Variants in PTPRN2 observed in about 807,000 individuals in gnomAD.
The protein encoded by PTPRN2 is receptor-type tyrosine-protein phosphatase N2.
Under a neutral mutation model 118.8 loss-of-function variants are expected in PTPRN2, and 74 were observed. The observed-to-expected ratio is 0.62, with a 90% CI of 0.52 to 0.76. The LOEUF is 0.76. Among genes scored for constraint, PTPRN2 ranks in the 30% least tolerant of loss-of-function variants. PTPRN2 has a pLI of 0.00. For missense variants in PTPRN2, 1,481 were observed against 1,394.4 expected, an observed-to-expected ratio of 1.06 and a Z score of -0.99; for synonymous variants, 641 against 608.0, an observed-to-expected ratio of 1.05 and a Z score of -0.80.
intron 2 of PTPRN2, among the ~76,000 whole-genome samples, chr7:158,409,969 T>G (rs778526574): frequency 3.9e-5 from 6 of 152,192 alleles, no homozygotes; most frequent in African/African-American, 1.4e-4. Flanking sequence ...GAAGATGGGG[T>G]GTGCCCCCAC....
chr7:158,291,017 G>A (rs965897882), intron 3 of PTPRN2, among the ~76,000 whole-genome samples: 1 of 152,236 alleles, frequency 6.6e-6, no homozygotes, highest in Non-Finnish European at 1.5e-5. Flanking sequence ...TGACAGAGGA[G>A]GAGGAGGTCT....
chr7:157,873,956 C>T (rs1166983927), intron 12 of PTPRN2, among the ~76,000 whole-genome samples: 4 of 152,288 alleles, frequency 2.6e-5, no homozygotes, highest in Admixed American at 6.5e-5. Context: ...CTGACTTTGA[C>T]GGCTCTAGGT....
intron 13 of PTPRN2, among the ~76,000 whole-genome samples, chr7:157,677,653 C>T (rs1055577710): frequency 3.3e-5 from 5 of 152,106 alleles, no homozygotes; most frequent in African/African-American, 7.2e-5. Context: ...GAAACCAAGC[C>T]GGCTGACCCC....
chr7:158,390,088 G>C (rs972949328), intron 2 of PTPRN2, among the ~76,000 whole-genome samples: 3 of 152,206 alleles, frequency 2.0e-5, no homozygotes, highest in South Asian at 2.1e-4. Flanking sequence ...TATTCAAACC[G>C]ATCTTCTTTG....
Position 157,831,798 on chromosome 7 carries a change from C to T in PTPRN2, c.1788+66875G>A, listed in dbSNP as rs895297865. On this transcript the variant is annotated intron_variant, in intron 12 of 22. Coordinates refer to ENST00000389418, the MANE Select transcript of PTPRN2 (RefSeq NM_002847.5). This position sits in a 1 kb window ranked among gnomAD's most constrained non-coding sequence, Gnocchi z 4.8. ...CCCAGTCCTATGACAAGCCTGGCCA[C>T]GTTAGACCCTCACGAGACGTCCCAC... Among the ~76,000 whole-genome samples, 9 of 152,220 alleles carry T rather than the reference C, an allele frequency of 5.9e-5. 1 individual carries two copies. The highest frequency in any genetic ancestry group is 3.9e-4 in the Admixed American group (6 of 15,288).
intron 3 of PTPRN2, among the ~76,000 whole-genome samples, chr7:158,262,600 TCACACACACTG>T (rs1563054462): frequency 1.7e-5 from 2 of 118,926 alleles, no homozygotes; most frequent in African/African-American, 3.4e-5. Context: ...TCACACACAT[TCACACACACTG>T]CACACACACA....
chr7:158,172,404 C>A, intron 5 of PTPRN2, among the ~76,000 whole-genome samples: 1 of 152,168 alleles, frequency 6.6e-6, no homozygotes, highest in East Asian at 1.9e-4. Flanking sequence ...CCATTAGTGT[C>A]ACTGCCACCA....
chr7:158,192,939 A>G (rs1825896435), intron 4 of PTPRN2, among the ~76,000 whole-genome samples: 1 of 152,190 alleles, frequency 6.6e-6, no homozygotes, highest in African/African-American at 2.4e-5. Flanking sequence ...GTGGCGGCCC[A>G]GAAGCTGGAA....
chr7:158,452,924 G>A (rs548616570), intron 2 of PTPRN2, among the ~76,000 whole-genome samples: 10 of 152,342 alleles, frequency 6.6e-5, no homozygotes, highest in South Asian at 2.1e-4. Flanking sequence ...GGCCCCACTC[G>A]GCTTGTCTGC....
intron 2 of PTPRN2, among the ~76,000 whole-genome samples, chr7:158,375,830 C>T (rs7794688): frequency 0.98 from 148,967 of 152,174 alleles, 72,926 homozygotes; most frequent in East Asian, 1. Flanking sequence ...AGATTGGCTG[C>T]GGGACGGCCA....
intron 11 of PTPRN2, among the ~76,000 whole-genome samples, chr7:158,071,383 TCG>T (rs1811548179): frequency 7.4e-5 from 7 of 94,796 alleles, no homozygotes; most frequent in Non-Finnish European, 1.5e-4. Flanking sequence ...GTGGAGGTGC[TCG>T]TGGTGGAGGT....
At chr7:158,247,916 T>C (rs1209112974) in intron 3 of PTPRN2, among the ~76,000 whole-genome samples, 1 of 152,100 alleles carries the variant, frequency 6.6e-6, no homozygotes, top group Admixed American at 6.6e-5. Flanking sequence ...GCGCCCAGCC[T>C]ACCATCTGTG....
chr7:157,758,951 T>C (rs1801973851), intron 12 of PTPRN2, among the ~76,000 whole-genome samples: 2 of 152,240 alleles, frequency 1.3e-5, no homozygotes, highest in Admixed American at 1.3e-4. Context: ...ATTGCTCAAC[T>C]GGAGGAGTGA....
At chr7:158,510,401 C>T (rs190409964) in intron 1 of PTPRN2, among the ~76,000 whole-genome samples, 37 of 151,900 alleles carry the variant, frequency 2.4e-4, no homozygotes, top group African/African-American at 7.5e-4. Flanking sequence ...TTCTCAAATT[C>T]GCACCCCACA....
chr7:158,541,769 A>G, intron 1 of PTPRN2: 1 of 984,066 alleles, frequency 1.0e-6, no homozygotes, highest in Non-Finnish European at 1.2e-6. Flanking sequence ...GCGGACGCAT[A>G]AAAGGGGAAG....
intron 12 of PTPRN2, among the ~76,000 whole-genome samples, chr7:157,783,997 C>T (rs1194705491): frequency 1.3e-5 from 2 of 152,148 alleles, no homozygotes; most frequent in African/African-American, 2.4e-5. Context: ...GGAGTAAATT[C>T]AGGATGAGTG....
chr7:157,726,034 C>A (rs372103751), intron 12 of PTPRN2, among the ~76,000 whole-genome samples: 23 of 135,192 alleles, frequency 1.7e-4, no homozygotes, highest in East Asian at 4.3e-4. Context: ...AGGAGTGTGG[C>A]CAGACCCTCG....
At chr7:157,885,079 G>GTTCT (rs1796375271) in intron 12 of PTPRN2, among the ~76,000 whole-genome samples, 1 of 152,156 alleles carries the variant, frequency 6.6e-6, no homozygotes, top group Non-Finnish European at 1.5e-5. Context: ...GAACTCAGAA[G>GTTCT]AACAGAGACA....
rs555371714 is a variant in PTPRN2, at chr7:158,050,307, C to A, written c.1723+30991G>T. Among the ~76,000 whole-genome samples the A allele has an allele frequency of 2.0e-5, 3 of 152,332 alleles. No homozygotes were observed. In the East Asian group the frequency reaches 5.8e-4, roughly 29 times the overall value. On this transcript the variant is annotated intron_variant, in intron 11 of 22. Coordinates refer to ENST00000389418, the MANE Select transcript of PTPRN2 (RefSeq NM_002847.5). The stretch of plus-strand genomic sequence containing the variant: ...GTTAGAATCAATGAAAAACTTAATT[C>A]ATAATTCTACTAAGCTACAATTTGA...
Sources: allele counts gnomAD v4.1 joint callset (sites outside exome capture counted in the v4.1 genomes callset), GRCh38; gene constraint gnomAD v4.1.1; non-coding constraint Gnocchi (gnomAD v3.1); transcripts MANE v1.5; gene names NCBI Gene and HGNC (gene_info 2026-07-23, HGNC 2026-07-21).